Variants in SGPP2 observed in about 807,000 individuals in gnomAD.
SGPP2 encodes sphingosine 1-phosphate phosphohydrolase 2.
Under a neutral mutation model 33.9 loss-of-function variants are expected in SGPP2, and 30 were observed. The observed-to-expected ratio is 0.89, with a 90% CI of 0.66 to 1.20. The LOEUF (loss-of-function observed/expected upper bound fraction) is 1.20. Among genes scored for constraint, SGPP2 ranks in the 50% most tolerant of loss-of-function variants. The pLI is 0.00. For synonymous variants in SGPP2, 233 were observed against 225.0 expected, an observed-to-expected ratio of 1.04 and a Z score of -0.32; for missense variants, 458 against 532.1, an observed-to-expected ratio of 0.86 and a Z score of 1.37.
chr2:222,445,834 C>T (rs1320557735), intron 1 of SGPP2, among the ~76,000 whole-genome samples: 3 of 152,186 alleles, frequency 2.0e-5, no homozygotes, highest in Non-Finnish European at 4.4e-5. Context: ...TACTACCTGC[C>T]TCATCATCTG....
At chr2:222,466,133 A>G (rs905784015) in intron 1 of SGPP2, among the ~76,000 whole-genome samples, 1 of 152,156 alleles carries the variant, frequency 6.6e-6, no homozygotes, top group Non-Finnish European at 1.5e-5. Context: ...ATCTCTACTT[A>G]AAAATAATAT....
intron 2 of SGPP2, among the ~76,000 whole-genome samples, chr2:222,503,264 T>A (rs978106438): frequency 1.3e-5 from 2 of 152,212 alleles, no homozygotes; most frequent in Non-Finnish European, 2.9e-5. Context: ...AGTCCTTCGG[T>A]TGTAGCTAAA....
At chr2:222,535,115 A>C (rs1698893753) in intron 4 of SGPP2, among the ~76,000 whole-genome samples, 2 of 145,072 alleles carry the variant, frequency 1.4e-5, no homozygotes. Context: ...AGTGGCTCAC[A>C]CCTGTAATCC....
rs938949295 is a variant in SGPP2 at position 222,440,976 on chromosome 2, T to C, written c.219+16155T>C. On this transcript the variant is annotated intron_variant, in intron 1 of 4. Coordinates refer to ENST00000321276, the MANE Select transcript of SGPP2 (RefSeq NM_152386.4). ...TGACTCTAGCTGGTATAGTGTGAAC[T>C]AAAAGAAAATAAAACCAGGAAAGTG... Among the ~76,000 whole-genome samples, 6 of 152,368 alleles carry C rather than the reference T, an allele frequency of 3.9e-5. No homozygotes were observed. In the South Asian group the frequency reaches 1.2e-3, roughly 32 times the overall value.
intron 1 of SGPP2, among the ~76,000 whole-genome samples, chr2:222,455,728 T>G (rs1697563128): frequency 6.6e-6 from 1 of 152,230 alleles, no homozygotes; most frequent in African/African-American, 2.4e-5. Flanking sequence ...TTTCTTAACT[T>G]GGGATATAAC....
At chr2:222,431,452 GCCAAGA>G (rs1697154057) in intron 1 of SGPP2, among the ~76,000 whole-genome samples, 2 of 152,154 alleles carry the variant, frequency 1.3e-5, no homozygotes, top group Non-Finnish European at 2.9e-5. Context: ...GTTGCAGTGA[GCCAAGA>G]TCATGCCACT....
intron 1 of SGPP2, among the ~76,000 whole-genome samples, chr2:222,472,588 G>A (rs1360337728): frequency 2.0e-5 from 3 of 152,186 alleles, no homozygotes; most frequent in Admixed American, 1.3e-4. Context: ...TTGTAGAAAC[G>A]TAAGCTGGGG....
At position 222,540,380 on chromosome 2, in the gene SGPP2, A is replaced by G. The variant is rs147732585; in HGVS notation, c.648+15347A>G. Among the ~76,000 whole-genome samples, 676 of 152,308 alleles carry G rather than the reference A, an allele frequency of 4.4e-3. 8 individuals carry two copies. Among genetic ancestry groups the G allele is most frequent in the African/African-American group, 0.015 (638 of 41,572 alleles). Reference sequence around the variant, plus strand: ...ATTCAAAAAGTGTTGGATTTTGGGCATTTCAAATTTTGAATTTTCAGATTT... The same window carrying G: ...ATTCAAAAAGTGTTGGATTTTGGGCGTTTCAAATTTTGAATTTTCAGATTT... On this transcript the variant is annotated intron_variant, in intron 4 of 4. Transcript: ENST00000321276.
At position 222,560,341 on chromosome 2, in the gene SGPP2, G is replaced by A. The variant is rs1321112775; in HGVS notation, c.*1443G>A. 5 of 152,154 alleles carry A rather than the reference G, an allele frequency of 3.3e-5. No individual in the cohort carries two copies. Among genetic ancestry groups the A allele is most frequent in the Non-Finnish European group, 1.5e-5 (1 of 68,028 alleles). The allele number at this position is 152,154 out of a possible 1,614,324, so 9.4% of individuals were successfully genotyped here. ...TTTCTCATCTACTGAATAGAATCAGGCGCCCTTTTTGTCTTCCCACCTCTT... is the reference window on the plus strand; with the variant it reads ...TTTCTCATCTACTGAATAGAATCAGACGCCCTTTTTGTCTTCCCACCTCTT... On this transcript the variant is annotated 3_prime_UTR_variant, in exon 5 of 5. Transcript: ENST00000321276.
At chr2:222,472,766 A>G (rs1249632299) in intron 1 of SGPP2, among the ~76,000 whole-genome samples, 2 of 152,182 alleles carry the variant, frequency 1.3e-5, no homozygotes, top group Non-Finnish European at 2.9e-5. Context: ...TCAAAGTTAA[A>G]CTAAACTAAA....
At chr2:222,492,842 G>A (rs1342413244) in intron 2 of SGPP2, among the ~76,000 whole-genome samples, 1 of 152,122 alleles carries the variant, frequency 6.6e-6, no homozygotes, top group Admixed American at 6.5e-5. Flanking sequence ...GATCTCTTGG[G>A]TAGGGGCAAA....
At chr2:222,433,575 G>A (rs780779538) in intron 1 of SGPP2, among the ~76,000 whole-genome samples, 3 of 152,078 alleles carry the variant, frequency 2.0e-5, no homozygotes, top group Admixed American at 6.6e-5. Flanking sequence ...TGAAAGGTGC[G>A]CTAAACTCGC....
Position 222,514,740 on chromosome 2 carries a change from G to T in SGPP2, c.379-7027G>T, listed in dbSNP as rs144448228. On this transcript the variant is annotated intron_variant, in intron 2 of 4. Transcript: ENST00000321276. ...CACAAAAACTGGTTTTCATAGAGTG[G>T]CACTGTCCTGTGCATTGAAAGGCAT... 1.6e-3 allele frequency among the ~76,000 whole-genome samples: 240 copies of T among 152,254 alleles called. 1 individual carries two copies. Among genetic ancestry groups the T allele is most frequent in the Admixed American group, 0.013 (192 of 15,302 alleles).
chr2:222,459,938 T>C (rs895685783), intron 1 of SGPP2, among the ~76,000 whole-genome samples: 2 of 152,208 alleles, frequency 1.3e-5, no homozygotes, highest in Admixed American at 6.5e-5. Context: ...TTCTGGAAAC[T>C]GCATTCTTGT....
chr2:222,481,110 G>A (rs1698023062), intron 2 of SGPP2, among the ~76,000 whole-genome samples: 1 of 152,188 alleles, frequency 6.6e-6, no homozygotes, highest in Non-Finnish European at 1.5e-5. Flanking sequence ...GCAGGAGGGA[G>A]AGCATCAGGA....
intron 4 of SGPP2, among the ~76,000 whole-genome samples, chr2:222,538,888 C>A (rs1233565845): frequency 6.6e-6 from 1 of 152,146 alleles, no homozygotes; most frequent in Admixed American, 6.5e-5. Flanking sequence ...CCAGTCACCT[C>A]CCACCAGGTC....
intron 4 of SGPP2, among the ~76,000 whole-genome samples, chr2:222,538,924 T>A (rs902616488): frequency 1.3e-5 from 2 of 152,266 alleles, no homozygotes; most frequent in African/African-American, 4.8e-5. Flanking sequence ...GGGATTACAA[T>A]TCAACATGAG....
intron 1 of SGPP2, among the ~76,000 whole-genome samples, chr2:222,468,422 G>A (rs1157745539): frequency 6.6e-6 from 1 of 151,790 alleles, no homozygotes; most frequent in Non-Finnish European, 1.5e-5. Context: ...AAACAACTGA[G>A]CTAATCCTTC....
chr2:222,543,140 T>C (rs1699022128), intron 4 of SGPP2, among the ~76,000 whole-genome samples: 1 of 152,242 alleles, frequency 6.6e-6, no homozygotes, highest in Non-Finnish European at 1.5e-5. Context: ...GTGTAAGATA[T>C]TTTTTGACTA....
Sources: gnomAD v4.1 joint callset for allele counts (sites outside exome capture counted in the v4.1 genomes callset) on GRCh38, gnomAD v4.1.1 for gene constraint, MANE v1.5 for transcripts, NCBI Gene and HGNC (gene_info 2026-07-23, HGNC 2026-07-21) for gene names.